Variants in SYCP1 observed in about 807,000 individuals in gnomAD.
SYCP1 encodes the protein synaptonemal complex protein 1, also known as cancer/testis antigen 8.
In SYCP1, 64 loss-of-function variants were observed where a neutral mutation model predicts 153.1. The observed-to-expected ratio is 0.42, with a 90% CI of 0.34 to 0.51. SYCP1 has a LOEUF of 0.51. Ranked by LOEUF, SYCP1 falls within the 20% of genes least tolerant of loss-of-function variation. SYCP1 has a pLI of 0.06. For synonymous variants in SYCP1, 384 were observed against 341.8 expected, an observed-to-expected ratio of 1.12 and a Z score of -1.36; for missense variants, 997 against 1,049.0, an observed-to-expected ratio of 0.95 and a Z score of 0.68.
chr1:114,872,212 T>C (rs1665196664), intron 8 of SYCP1, among the ~76,000 whole-genome samples: 1 of 152,098 alleles, frequency 6.6e-6, no homozygotes, highest in Non-Finnish European at 1.5e-5. Flanking sequence ...TTAAATAATT[T>C]CTTTTAACAT....
At chr1:114,956,964 C>A (rs1166588715) in intron 27 of SYCP1, among the ~76,000 whole-genome samples, 1 of 152,116 alleles carries the variant, frequency 6.6e-6, no homozygotes, top group Non-Finnish European at 1.5e-5. Context: ...TATAACCTCA[C>A]CAAACAGACA....
intron 27 of SYCP1, among the ~76,000 whole-genome samples, chr1:114,952,663 A>G (rs1244675883): frequency 4.6e-5 from 7 of 152,310 alleles, no homozygotes; most frequent in South Asian, 2.1e-4. Context: ...GAACAGCAGC[A>G]TGGGGGTAAC....
chr1:114,921,886 T>G (rs1016041203), intron 20 of SYCP1, among the ~76,000 whole-genome samples: 1 of 152,144 alleles, frequency 6.6e-6, no homozygotes, highest in East Asian at 1.9e-4. Flanking sequence ...TTCTCCTTCA[T>G]GTTTGAAGGA....
chr1:114,866,467 T>C (rs1464468755), intron 8 of SYCP1, among the ~76,000 whole-genome samples: 1 of 152,170 alleles, frequency 6.6e-6, no homozygotes, highest in Non-Finnish European at 1.5e-5. Context: ...TTATTTGCCA[T>C]CTGTATGTCT....
chr1:114,928,954 T>G (rs913577143), intron 23 of SYCP1, among the ~76,000 whole-genome samples: 1 of 152,100 alleles, frequency 6.6e-6, no homozygotes, highest in Non-Finnish European at 1.5e-5. Flanking sequence ...AAAAATCAAG[T>G]CACTGGCAGA....
At chr1:114,867,334 C>G (rs1382795134) in intron 8 of SYCP1, among the ~76,000 whole-genome samples, 2 of 152,026 alleles carry the variant, frequency 1.3e-5, no homozygotes, top group Non-Finnish European at 2.9e-5. Flanking sequence ...ATCTGTAGAT[C>G]AAGTTGGGAA....
At chr1:114,893,020 A>G (rs74116172) in intron 15 of SYCP1, among the ~76,000 whole-genome samples, 5,172 of 152,180 alleles carry the variant, frequency 0.034, 291 homozygotes, top group African/African-American at 0.12. Context: ...TCAGGGTCCA[A>G]AGGACCCTTC....
At position 114,857,136 on chromosome 1, in the gene SYCP1, C is replaced by CAAAAAAAAAA. The variant is rs71582509; in HGVS notation, c.194-84_194-75dup. Reference sequence around the variant, plus strand: ...ATAGTGCCAGATGTCCTCTCTCTCTCAAAAAAAAAAAAAAAAAAAAAGAGA... The same window carrying CAAAAAAAAAA: ...ATAGTGCCAGATGTCCTCTCTCTCTCAAAAAAAAAAAAAAAAAAAAAAAAAAAAAAAGAGA... On this transcript the variant is annotated intron_variant, in intron 3 of 31. Coordinates refer to ENST00000369522, the MANE Select transcript of SYCP1 (RefSeq NM_003176.4). 1,094 of 244,900 alleles carry CAAAAAAAAAA rather than the reference C, an allele frequency of 4.5e-3. 18 individuals are homozygous for CAAAAAAAAAA. Among genetic ancestry groups the CAAAAAAAAAA allele is most frequent in the Middle Eastern group, 6.8e-3 (4 of 584 alleles). The allele number at this position is 244,900 out of a possible 1,614,324, so 15.2% of individuals were successfully genotyped here.
chr1:114,857,207 A>G, intron 3 of SYCP1, 25 bp from the exon 4 acceptor site: 1 of 1,561,598 alleles, frequency 6.4e-7, no homozygotes, highest in South Asian at 1.2e-5. Flanking sequence ...GGCGTATTTA[A>G]TACCTGTTGT....
chr1:114,928,489 C>T (rs564764850), intron 23 of SYCP1, among the ~76,000 whole-genome samples: 1 of 152,018 alleles, frequency 6.6e-6, no homozygotes, highest in African/African-American at 2.4e-5. Flanking sequence ...GTACCCTAAG[C>T]AATACTTAAG....
At chr1:114,907,827 C>A (rs188414331) in intron 16 of SYCP1, among the ~76,000 whole-genome samples, 1 of 151,982 alleles carries the variant, frequency 6.6e-6, no homozygotes, top group Admixed American at 6.6e-5. Flanking sequence ...GTGATCCACC[C>A]GCCTCGGCCT....
At position 114,880,375 on chromosome 1, in the gene SYCP1, G is replaced by A. The variant is rs114557034; in HGVS notation, c.910+2173G>A. ...TTTTCTTTTTTATTTTGCTGTTTGG[G>A]CATTTGTTGTTATCCTTTGGTGTGC... On this transcript the variant is annotated intron_variant, in intron 12 of 31. Coordinates refer to ENST00000369522, the MANE Select transcript of SYCP1 (RefSeq NM_003176.4). Among the ~76,000 whole-genome samples the A allele has an allele frequency of 4.9e-3, 739 of 152,028 alleles. 3 individuals are homozygous for A. Among genetic ancestry groups the A allele is most frequent in the Non-Finnish European group, 7.4e-3 (505 of 67,968 alleles).
chr1:114,926,634 T>C, intron 23 of SYCP1, 71 bp downstream of exon 23: 1 of 1,287,436 alleles, frequency 7.8e-7, no homozygotes, highest in Non-Finnish European at 1.1e-6. Flanking sequence ...TTTATTCCAC[T>C]TGTTTATACA....
Position 114,864,941 on chromosome 1 carries a change from C to A in SYCP1, c.598+4132C>A, listed in dbSNP as rs191487618. Among the ~76,000 whole-genome samples, 831 of 152,096 alleles carry A rather than the reference C, an allele frequency of 5.5e-3. 2 individuals are homozygous for A. Among genetic ancestry groups the A allele is most frequent in the Middle Eastern group, 0.01 (3 of 294 alleles). ...GGTTAGTTACATATGTATACATGTG[C>A]CATGCTGGTGTGCTGCACCCATTAA... On this transcript the variant is annotated intron_variant, in intron 8 of 31. Transcript: ENST00000369522.
intron 27 of SYCP1, among the ~76,000 whole-genome samples, chr1:114,956,070 G>A (rs572171455): frequency 3.7e-4 from 57 of 152,318 alleles, no homozygotes; most frequent in African/African-American, 1.4e-3. Context: ...GCTAACACAA[G>A]GACCCAGAGG....
At chr1:114,914,405 AT>A (rs532170484) in intron 20 of SYCP1, among the ~76,000 whole-genome samples, 3,063 of 147,482 alleles carry the variant, frequency 0.021, 99 homozygotes, top group African/African-American at 0.072. Flanking sequence ...CCCACTCTAT[AT>A]TTTTTTTTTT....
chr1:114,868,318 C>A (rs1418872331), intron 8 of SYCP1, among the ~76,000 whole-genome samples: 1 of 151,682 alleles, frequency 6.6e-6, no homozygotes, highest in African/African-American at 2.4e-5. Flanking sequence ...TTTAAAATTT[C>A]TTTTTAGAGA....
At chr1:114,946,403 A>C in intron 26 of SYCP1, 22 bp downstream of exon 26, 3 of 1,454,930 alleles carry the variant, frequency 2.1e-6, no homozygotes, top group Non-Finnish European at 2.8e-6. Context: ...AAAAAATTGC[A>C]GTAACGGCCA....
intron 27 of SYCP1, among the ~76,000 whole-genome samples, chr1:114,975,604 T>G (rs573345603): frequency 2.6e-5 from 4 of 151,748 alleles, no homozygotes; most frequent in Non-Finnish European, 4.4e-5. Context: ...ATCTTTTATA[T>G]GCAACTTTTT....
Sources: allele counts gnomAD v4.1 joint callset (sites outside exome capture counted in the v4.1 genomes callset), GRCh38; gene constraint gnomAD v4.1.1; transcripts MANE v1.5; gene names NCBI Gene and HGNC (gene_info 2026-07-23, HGNC 2026-07-21).